CNTN4: variants seen among roughly 807,000 people sequenced by gnomAD.
CNTN4 encodes contactin-4.
In CNTN4, 77 loss-of-function variants were observed where a neutral mutation model predicts 122.5. The ratio of observed to expected loss-of-function variants is 0.63; its 90% CI spans 0.52 to 0.76. CNTN4 has a LOEUF of 0.76. Among genes scored for constraint, CNTN4 ranks in the 30% least tolerant of loss-of-function variants. The pLI, the probability that CNTN4 is intolerant of heterozygous loss-of-function variation, is 0.00. For missense variants in CNTN4, 1,256 were observed against 1,259.1 expected (o/e 1.00, Z 0.04); for synonymous variants, 512 against 447.0 (o/e 1.15, Z -1.83).
chr3:2,397,724 G>C (rs761045985), intron 3 of CNTN4, among the ~76,000 whole-genome samples: 7 of 152,114 alleles, frequency 4.6e-5, no homozygotes, highest in Admixed American at 1.3e-4. Context: ...AGTTAGCTAT[G>C]CTAAAGTAAA....
chr3:2,477,028 G>C (rs2075854368), intron 3 of CNTN4, among the ~76,000 whole-genome samples: 1 of 152,136 alleles, frequency 6.6e-6, no homozygotes, highest in East Asian at 1.9e-4. Flanking sequence ...TAATGGCTTA[G>C]AACCCCTAAC....
intron 2 of CNTN4, among the ~76,000 whole-genome samples, chr3:2,237,769 TA>T (rs1400063508): frequency 1.3e-5 from 2 of 152,218 alleles, no homozygotes; most frequent in African/African-American, 4.8e-5. Flanking sequence ...TTGGTATTTT[TA>T]TGATCTGATG....
rs2094204864 is a variant in CNTN4 at position 2,904,164 on chromosome 3, TAGAGGCTTTC to T, written c.1207+1162_1207+1171del. ...ATGATTTGGGAACTGCCTCCTATTT[TAGAGGCTTTC>T]AGTAGTCATTCTCCTTGGTGAGAGC... On this transcript the variant is annotated intron_variant, in intron 12 of 24. Coordinates refer to ENST00000418658, the MANE Select transcript of CNTN4 (RefSeq NM_175607.3). Among the ~76,000 whole-genome samples, 5 of 152,326 alleles carry T rather than the reference TAGAGGCTTTC, an allele frequency of 3.3e-5. No individual in the cohort carries two copies. In the South Asian group the frequency reaches 1.0e-3, roughly 32 times the overall value.
intron 3 of CNTN4, among the ~76,000 whole-genome samples, chr3:2,568,536 G>C (rs1028433904): frequency 6.6e-6 from 1 of 152,040 alleles, no homozygotes; most frequent in African/African-American, 2.4e-5. Context: ...ACAGCTGCAG[G>C]GGAGATCTAT....
chr3:2,466,933 G>A (rs1010816501), intron 3 of CNTN4, among the ~76,000 whole-genome samples: 15 of 141,176 alleles, frequency 1.1e-4, no homozygotes, highest in African/African-American at 4.0e-4. Flanking sequence ...TCATTTCTTC[G>A]TTAAATTAGT....
intron 3 of CNTN4, among the ~76,000 whole-genome samples, chr3:2,545,493 T>C (rs550870013): frequency 1.3e-5 from 2 of 152,244 alleles, no homozygotes; most frequent in East Asian, 3.9e-4. Flanking sequence ...TGTGTAAATA[T>C]AAGTCTCTTC....
chr3:2,133,897 G>A (rs2034565534), intron 2 of CNTN4, among the ~76,000 whole-genome samples: 1 of 151,938 alleles, frequency 6.6e-6, no homozygotes, highest in Non-Finnish European at 1.5e-5. Context: ...AAGCTCTATT[G>A]TTTTCTTATG....
At chr3:2,582,903 CAAAA>C in intron 4 of CNTN4, among the ~76,000 whole-genome samples, 1 of 140,730 alleles carries the variant, frequency 7.1e-6, no homozygotes. Context: ...AGTTCTGATA[CAAAA>C]AAAAAAAAAA....
chr3:2,117,258 C>G (rs2033419790), intron 2 of CNTN4, among the ~76,000 whole-genome samples: 1 of 152,240 alleles, frequency 6.6e-6, no homozygotes, highest in Non-Finnish European at 1.5e-5. Flanking sequence ...CAGGGAAACA[C>G]GTTTACTGGT....
chr3:2,347,268 T>C (rs1393487), intron 3 of CNTN4, among the ~76,000 whole-genome samples: 65,646 of 152,016 alleles, frequency 0.43, 14,492 homozygotes, highest in African/African-American at 0.49. Flanking sequence ...TCTGGGAATG[T>C]GAAGGCAAAA....
intron 3 of CNTN4, among the ~76,000 whole-genome samples, chr3:2,488,395 A>C (rs1162624266): frequency 6.6e-6 from 1 of 152,032 alleles, no homozygotes; most frequent in Non-Finnish European, 1.5e-5. Flanking sequence ...CCACATCCCA[A>C]ATATGTGTAT....
chr3:2,164,171 A>T (rs1167954786), intron 2 of CNTN4, among the ~76,000 whole-genome samples: 1 of 152,168 alleles, frequency 6.6e-6, no homozygotes, highest in Non-Finnish European at 1.5e-5. Flanking sequence ...CAACTATTGA[A>T]ATAAAAAAGA....
intron 10 of CNTN4, among the ~76,000 whole-genome samples, chr3:2,888,388 A>G (rs189367141): frequency 3.9e-5 from 6 of 152,310 alleles, no homozygotes; most frequent in Admixed American, 3.3e-4. Flanking sequence ...GACATCAACC[A>G]TGCACCTGAT....
intron 4 of CNTN4, among the ~76,000 whole-genome samples, chr3:2,576,624 T>C (rs1390883326): frequency 1.3e-5 from 2 of 151,558 alleles, no homozygotes; most frequent in African/African-American, 4.9e-5. Context: ...CTTGGCTCAC[T>C]GCAACCTCCA....
At chr3:2,585,624 G>A (rs547439229) in intron 4 of CNTN4, among the ~76,000 whole-genome samples, 28 of 150,204 alleles carry the variant, frequency 1.9e-4, no homozygotes, top group African/African-American at 6.4e-4. Flanking sequence ...TTACTCATAG[G>A]TGGGAGTTGA....
At chr3:2,624,673 C>A (rs2082116598) in intron 4 of CNTN4, among the ~76,000 whole-genome samples, 1 of 148,202 alleles carries the variant, frequency 6.7e-6, no homozygotes, top group South Asian at 2.2e-4. Context: ...ACCCTGTCTC[C>A]CAGGCTGGAG....
intron 3 of CNTN4, among the ~76,000 whole-genome samples, chr3:2,346,299 C>T (rs990912490): frequency 6.6e-6 from 1 of 152,062 alleles, no homozygotes; most frequent in African/African-American, 2.4e-5. Context: ...ACCTAAAATT[C>T]TTTAACTCAA....
intron 4 of CNTN4, among the ~76,000 whole-genome samples, chr3:2,707,136 T>C (rs1417046906): frequency 2.0e-5 from 3 of 151,512 alleles, no homozygotes; most frequent in East Asian, 3.9e-4. Context: ...TCCATCTCTA[T>C]AGAAAAAAAA....
At chr3:2,555,478 C>G (rs2078681934) in intron 3 of CNTN4, among the ~76,000 whole-genome samples, 1 of 152,120 alleles carries the variant, frequency 6.6e-6, no homozygotes. Flanking sequence ...GGCATAAAGA[C>G]AAAGGTTAGA....
Sources: gnomAD v4.1 joint callset for allele counts (sites outside exome capture counted in the v4.1 genomes callset) on GRCh38, gnomAD v4.1.1 for gene constraint, MANE v1.5 for transcripts, NCBI Gene and HGNC (gene_info 2026-07-23, HGNC 2026-07-21) for gene names.